Variants in OPCML observed in about 807,000 individuals in gnomAD.
OPCML encodes the protein opioid binding protein/cell adhesion molecule like.
In OPCML, 13 loss-of-function variants were observed where a neutral mutation model predicts 37.8. The ratio of observed to expected loss-of-function variants is 0.34; its 90% CI spans 0.22 to 0.55. The LOEUF is 0.55. Among genes scored for constraint, OPCML ranks in the 20% least tolerant of loss-of-function variants. The probability of loss-of-function intolerance (pLI) is 0.91; values close to 1 mark genes in which losing one functional copy is unlikely to be tolerated. For missense variants in OPCML, 341 were observed against 435.6 expected, an observed-to-expected ratio of 0.78 and a Z score of 1.93; for synonymous variants, 176 against 168.8, an observed-to-expected ratio of 1.04 and a Z score of -0.33.
intron 2 of OPCML, among the ~76,000 whole-genome samples, chr11:132,837,981 T>C (rs183071577): frequency 1.2e-3 from 176 of 152,370 alleles, no homozygotes; most frequent in Non-Finnish European, 2.1e-3. Flanking sequence ...ATTTCCTTTA[T>C]AGGATTTATG....
chr11:133,070,094 C>T (rs758026608), intron 1 of OPCML, among the ~76,000 whole-genome samples: 3 of 152,080 alleles, frequency 2.0e-5, no homozygotes, highest in South Asian at 2.1e-4. Context: ...GCATTTGTGT[C>T]GGGTGGGGCA....
chr11:132,950,172 C>T (rs930958639), intron 1 of OPCML, among the ~76,000 whole-genome samples: 5 of 152,092 alleles, frequency 3.3e-5, no homozygotes, highest in South Asian at 4.1e-4. Flanking sequence ...GGAAAAGAGA[C>T]GGGTTGTGAT....
chr11:132,492,295 T>G (rs2096218510), intron 4 of OPCML, among the ~76,000 whole-genome samples: 1 of 151,554 alleles, frequency 6.6e-6, no homozygotes, highest in South Asian at 2.1e-4. Context: ...AAGGTAACAG[T>G]TAAGGGCCCT....
At chr11:132,927,540 T>C (rs1331489487) in intron 2 of OPCML, among the ~76,000 whole-genome samples, 1 of 152,112 alleles carries the variant, frequency 6.6e-6, no homozygotes, top group Non-Finnish European at 1.5e-5. Flanking sequence ...CTGAGGGAAT[T>C]CATTACCACT....
At chr11:132,668,786 A>T (rs934099160) in intron 2 of OPCML, among the ~76,000 whole-genome samples, 3 of 152,204 alleles carry the variant, frequency 2.0e-5, no homozygotes, top group Non-Finnish European at 4.4e-5. Context: ...ATTACTAGCT[A>T]ATCCTTCTAG....
chr11:133,039,897 T>G (rs1311262724), intron 1 of OPCML, among the ~76,000 whole-genome samples: 3 of 151,826 alleles, frequency 2.0e-5, no homozygotes, highest in African/African-American at 2.4e-5. Context: ...GGTATGGTGG[T>G]GGGCACCTGT....
chr11:132,582,696 A>G (rs1416839683), intron 3 of OPCML, among the ~76,000 whole-genome samples: 1 of 152,190 alleles, frequency 6.6e-6, no homozygotes, highest in Admixed American at 6.5e-5. Context: ...ACATTTTGAT[A>G]TAGAGTAGTC....
At chr11:133,131,530 T>C (rs1180164263) in intron 1 of OPCML, among the ~76,000 whole-genome samples, 1 of 152,152 alleles carries the variant, frequency 6.6e-6, no homozygotes, top group Non-Finnish European at 1.5e-5. Flanking sequence ...TTGACAAGGA[T>C]GTGAAGCAAC....
chr11:132,681,218 C>G (rs1380919244), intron 2 of OPCML, among the ~76,000 whole-genome samples: 1 of 152,218 alleles, frequency 6.6e-6, no homozygotes, highest in East Asian at 1.9e-4. Context: ...GCCCCACCCT[C>G]AAGCCTGGAA....
intron 2 of OPCML, among the ~76,000 whole-genome samples, chr11:132,938,241 C>T (rs1377750933): frequency 1.3e-5 from 2 of 152,132 alleles, no homozygotes; most frequent in Middle Eastern, 3.4e-3. Flanking sequence ...AAGCACAGCT[C>T]CTAAGCTCCA....
At chr11:132,654,748 C>T (rs1012205579) in intron 3 of OPCML, among the ~76,000 whole-genome samples, 11 of 151,944 alleles carry the variant, frequency 7.2e-5, no homozygotes, top group Non-Finnish European at 1.5e-4. Flanking sequence ...ACGCTCCTCC[C>T]CAAGATAAGC....
At chr11:133,352,171 A>G (rs1944155701) in intron 1 of OPCML, among the ~76,000 whole-genome samples, 2 of 152,206 alleles carry the variant, frequency 1.3e-5, no homozygotes, top group African/African-American at 2.4e-5. Flanking sequence ...AGGACTTACT[A>G]TATACTTAGA....
chr11:132,947,173 C>A (rs899625581), intron 1 of OPCML, among the ~76,000 whole-genome samples: 2 of 152,120 alleles, frequency 1.3e-5, no homozygotes, highest in South Asian at 4.1e-4. Flanking sequence ...TAAAAGATTG[C>A]TTGAGACAGG....
intron 3 of OPCML, among the ~76,000 whole-genome samples, chr11:132,641,323 C>G (rs924425485): frequency 6.6e-5 from 10 of 152,204 alleles, no homozygotes; most frequent in East Asian, 1.9e-4. Context: ...TCCACGCACA[C>G]CTCCACCTCC....
At chr11:133,244,306 C>T (rs1025233799) in intron 1 of OPCML, among the ~76,000 whole-genome samples, 2 of 152,026 alleles carry the variant, frequency 1.3e-5, no homozygotes, top group African/African-American at 2.4e-5. Flanking sequence ...CCTCGAAGGG[C>T]TGAGGTAGGA....
At chr11:132,452,811 T>C (rs12419742) in intron 4 of OPCML, among the ~76,000 whole-genome samples, 16,329 of 152,226 alleles carry the variant, frequency 0.11, 1,286 homozygotes, top group Non-Finnish European at 0.16. Flanking sequence ...ATGACTCAGA[T>C]TGAATTTCTC....
chr11:133,504,360 T>C (rs935954776), intron 1 of OPCML, among the ~76,000 whole-genome samples: 1 of 152,172 alleles, frequency 6.6e-6, no homozygotes, highest in African/African-American at 2.4e-5. Flanking sequence ...TCACAAAGTC[T>C]AAAATAGTTT....
At chr11:133,469,660 C>T (rs1029296247) in intron 1 of OPCML, among the ~76,000 whole-genome samples, 4 of 152,158 alleles carry the variant, frequency 2.6e-5, no homozygotes, top group Admixed American at 2.6e-4. Flanking sequence ...ATCCTCATCT[C>T]TAAACTTGAC....
chr11:132,482,186 G>T (rs1423760372), intron 4 of OPCML, among the ~76,000 whole-genome samples: 1 of 150,202 alleles, frequency 6.7e-6, no homozygotes, highest in Non-Finnish European at 1.5e-5. Context: ...GACTAATAAA[G>T]AAAAAAAGAG....
Sources: allele counts gnomAD v4.1 joint callset (sites outside exome capture counted in the v4.1 genomes callset), GRCh38; gene constraint gnomAD v4.1.1; transcripts MANE v1.5; gene names NCBI Gene and HGNC (gene_info 2026-07-23, HGNC 2026-07-21).